Variants in DCC observed in about 807,000 individuals in gnomAD.
The protein encoded by DCC is DCC netrin 1 receptor.
A neutral mutation model predicts 172.5 loss-of-function variants in DCC; 58 were observed. That is an observed-to-expected ratio of 0.34 (90% confidence interval 0.27 to 0.42). The LOEUF (loss-of-function observed/expected upper bound fraction) is 0.42. DCC is among the 10% of genes least tolerant of loss of function. The probability of loss-of-function intolerance (pLI) is 1.00; values close to 1 mark genes in which losing one functional copy is unlikely to be tolerated. For missense variants in DCC, 1,740 were observed against 1,791.0 expected (o/e 0.97, Z 0.51); for synonymous variants, 709 against 644.5 (o/e 1.10, Z -1.52).
At chr18:53,290,242 C>A (rs890390789) in intron 12 of DCC, among the ~76,000 whole-genome samples, 1 of 152,098 alleles carries the variant, frequency 6.6e-6, no homozygotes, top group African/African-American at 2.4e-5. Context: ...TGTTAGGATG[C>A]CTGAAGTCTT....
intron 1 of DCC, among the ~76,000 whole-genome samples, chr18:52,372,885 C>A (rs895471599): frequency 6.6e-6 from 1 of 152,158 alleles, no homozygotes; most frequent in East Asian, 1.9e-4. Context: ...AAAGAAGAGA[C>A]AACCATTGGA....
chr18:52,958,287 TAATC>T (rs1432647663), intron 5 of DCC, among the ~76,000 whole-genome samples: 8 of 152,138 alleles, frequency 5.3e-5, no homozygotes, highest in East Asian at 1.9e-4. Context: ...CAAAAATAGA[TAATC>T]TATCAAAAAA....
At chr18:52,902,096 C>T (rs2145439913) in intron 2 of DCC, among the ~76,000 whole-genome samples, 1 of 152,214 alleles carries the variant, frequency 6.6e-6, no homozygotes, top group South Asian at 2.1e-4. Context: ...ATAAGAAATA[C>T]AGCCAAGAGG....
At chr18:52,581,036 G>T (rs1047371863) in intron 1 of DCC, among the ~76,000 whole-genome samples, 7 of 152,110 alleles carry the variant, frequency 4.6e-5, no homozygotes, top group Non-Finnish European at 7.4e-5. Flanking sequence ...CTCTCCAGCT[G>T]AAAAGAATCT....
intron 6 of DCC, among the ~76,000 whole-genome samples, chr18:53,064,896 C>T (rs1191507679): frequency 1.3e-5 from 2 of 152,060 alleles, no homozygotes; most frequent in African/African-American, 4.8e-5. Flanking sequence ...TTTCAGTGCC[C>T]TTAAGGACGT....
chr18:52,638,229 C>T (rs35475218), intron 1 of DCC, among the ~76,000 whole-genome samples: 4,739 of 151,958 alleles, frequency 0.031, 122 homozygotes, highest in Admixed American at 0.078. Flanking sequence ...AAGCATAAAT[C>T]ACACAGGACC....
intron 12 of DCC, among the ~76,000 whole-genome samples, chr18:53,271,317 A>G (rs1032144725): frequency 6.6e-6 from 1 of 152,186 alleles, no homozygotes; most frequent in Non-Finnish European, 1.5e-5. Flanking sequence ...ATACTTATCT[A>G]TTATTGCATA....
intron 1 of DCC, among the ~76,000 whole-genome samples, chr18:52,457,118 A>G (rs1229344727): frequency 1.3e-5 from 2 of 152,152 alleles, no homozygotes. Context: ...AGTTGAAATC[A>G]TTTGTAATTA....
chr18:52,958,421 A>G (rs2040783477), intron 5 of DCC, among the ~76,000 whole-genome samples: 2 of 152,178 alleles, frequency 1.3e-5, no homozygotes, highest in South Asian at 4.1e-4. Flanking sequence ...AGAAGCCTAA[A>G]GTGGGGAAAT....
chr18:53,393,327 A>T (rs1287202640), intron 17 of DCC, among the ~76,000 whole-genome samples: 1 of 152,208 alleles, frequency 6.6e-6, no homozygotes, highest in African/African-American at 2.4e-5. Context: ...CCATTTAAAG[A>T]CAGTTTTCTT....
At chr18:53,242,902 GTT>G (rs3221872) in intron 12 of DCC, among the ~76,000 whole-genome samples, 3 of 145,766 alleles carry the variant, frequency 2.1e-5, no homozygotes, top group Non-Finnish European at 3.1e-5. Flanking sequence ...GTGTGTGTGT[GTT>G]TGTGCATCTG....
chr18:53,331,792 C>T (rs1326575106), intron 14 of DCC, among the ~76,000 whole-genome samples: 1 of 152,130 alleles, frequency 6.6e-6, no homozygotes, highest in Admixed American at 6.6e-5. Context: ...TATCTGTAAT[C>T]TGGAATTGGG....
chr18:52,628,847 G>T (rs1410383250), intron 1 of DCC, among the ~76,000 whole-genome samples: 2 of 152,192 alleles, frequency 1.3e-5, no homozygotes, highest in Non-Finnish European at 2.9e-5. Context: ...CCCTGAAGCT[G>T]CAAGTGTTAT....
intron 12 of DCC, among the ~76,000 whole-genome samples, chr18:53,221,794 G>A (rs2055936786): frequency 6.6e-6 from 1 of 152,262 alleles, no homozygotes; most frequent in East Asian, 1.9e-4. Context: ...TGAATCAGTG[G>A]TCAAGAATAC....
In DCC at chr18:52,460,088, C is replaced by T. The variant is rs184345571; in HGVS notation, c.91+119210C>T. Reference sequence around the variant, plus strand: ...TCAACACACAGCCTGAGATATTTTCCCATGGTAATAAAATCAAAATCACAC... The same window carrying T: ...TCAACACACAGCCTGAGATATTTTCTCATGGTAATAAAATCAAAATCACAC... On this transcript the variant is annotated intron_variant, in intron 1 of 28. Transcript: ENST00000442544. Among the ~76,000 whole-genome samples the T allele has an allele frequency of 2.0e-3, 311 of 152,084 alleles. 5 individuals are homozygous for T. Among genetic ancestry groups the T allele is most frequent in the African/African-American group, 7.4e-3 (308 of 41,494 alleles).
chr18:52,855,731 G>A (rs1393924107), intron 2 of DCC, among the ~76,000 whole-genome samples: 1 of 151,028 alleles, frequency 6.6e-6, no homozygotes, highest in East Asian at 1.9e-4. Context: ...TAAGGATGGT[G>A]ACAGGTGACT....
intron 1 of DCC, among the ~76,000 whole-genome samples, chr18:52,749,230 C>G (rs1286819195): frequency 6.6e-6 from 1 of 151,996 alleles, no homozygotes; most frequent in Non-Finnish European, 1.5e-5. Context: ...TCAGAAAGAA[C>G]CAATCAGGAA....
chr18:53,003,684 GGGAGGAAAAGGAGACTTTTCC>G (rs1338756918), intron 5 of DCC, among the ~76,000 whole-genome samples: 1 of 151,562 alleles, frequency 6.6e-6, no homozygotes, highest in Non-Finnish European at 1.5e-5. Context: ...GTTTTAGGTA[GGGAGGAAAAGGAGACTTTTCC>G]TCCCTTTTTT....
intron 15 of DCC, among the ~76,000 whole-genome samples, chr18:53,384,967 C>G (rs1157457805): frequency 6.7e-6 from 1 of 149,818 alleles, no homozygotes; most frequent in Non-Finnish European, 1.5e-5. Context: ...CCTGCCTCAG[C>G]TTCCCGAGTA....
Sources: allele counts gnomAD v4.1 joint callset (sites outside exome capture counted in the v4.1 genomes callset), GRCh38; gene constraint gnomAD v4.1.1; transcripts MANE v1.5; gene names NCBI Gene and HGNC (gene_info 2026-07-23, HGNC 2026-07-21).